Variants in PLCG2 observed in about 807,000 individuals in gnomAD.
PLCG2 encodes the protein 1-phosphatidylinositol 4,5-bisphosphate phosphodiesterase gamma-2.
A neutral mutation model predicts 175.6 loss-of-function variants in PLCG2; 69 were observed. The ratio of observed to expected loss-of-function variants is 0.39; its 90% CI spans 0.32 to 0.48. The LOEUF is 0.48. PLCG2 is among the 20% of genes least tolerant of loss of function. The pLI is 0.91. For missense variants in PLCG2, 1,798 were observed against 1,650.9 expected (o/e 1.09, Z -1.54); for synonymous variants, 827 against 624.0 (o/e 1.33, Z -4.85).
intron 1 of PLCG2, among the ~76,000 whole-genome samples, chr16:81,748,779 A>G (rs999503505): frequency 3.3e-5 from 5 of 152,228 alleles, no homozygotes; most frequent in African/African-American, 9.6e-5. Flanking sequence ...AGTGACTTTC[A>G]TATCTGTTTC....
chr16:81,917,750 C>T (rs1909901774), intron 19 of PLCG2, among the ~76,000 whole-genome samples: 1 of 152,160 alleles, frequency 6.6e-6, no homozygotes. Flanking sequence ...GAGATGGAGT[C>T]TTGCTCTGTT....
intron 15 of PLCG2, 130 bp downstream of exon 15, chr16:81,905,637 G>T: frequency 1.6e-6 from 1 of 639,288 alleles, no homozygotes; most frequent in South Asian, 1.8e-5. Flanking sequence ...TTTGCCATGT[G>T]AATTTACCTT....
intron 2 of PLCG2, among the ~76,000 whole-genome samples, chr16:81,802,886 A>G (rs566606851): frequency 1.4e-4 from 21 of 152,186 alleles, no homozygotes; most frequent in Non-Finnish European, 2.5e-4. Flanking sequence ...ATACCCTATA[A>G]TGTACCCCTT....
intron 5 of PLCG2, among the ~76,000 whole-genome samples, chr16:81,868,307 C>A (rs1328065048): frequency 1.4e-5 from 2 of 144,994 alleles, no homozygotes; most frequent in Non-Finnish European, 3.1e-5. Flanking sequence ...TTCCCACTTC[C>A]CCTCCCTGGC....
intron 2 of PLCG2, among the ~76,000 whole-genome samples, chr16:81,805,971 C>T (rs1912003681): frequency 6.6e-6 from 1 of 151,452 alleles, no homozygotes; most frequent in African/African-American, 2.4e-5. Context: ...CTAGTTGCCA[C>T]ATTCATAAAG....
intron 1 of PLCG2, among the ~76,000 whole-genome samples, chr16:81,783,937 T>C (rs997817671): frequency 6.6e-6 from 1 of 152,146 alleles, no homozygotes; most frequent in Non-Finnish European, 1.5e-5. Flanking sequence ...ATGCCTGCTT[T>C]TTTCCCCTGA....
intron 2 of PLCG2, among the ~76,000 whole-genome samples, chr16:81,826,641 C>G (rs1458092891): frequency 1.3e-5 from 2 of 152,216 alleles, no homozygotes; most frequent in East Asian, 3.8e-4. Context: ...GCAGCAGCCA[C>G]TCATTAACCA....
intron 27 of PLCG2, 45 bp from the exon 28 acceptor site, chr16:81,937,713 C>G: frequency 6.3e-7 from 1 of 1,583,484 alleles, no homozygotes; most frequent in Non-Finnish European, 8.6e-7. Flanking sequence ...AGGGGGCCAG[C>G]GTGCTCATGC....
chr16:81,944,619 T>G (rs4536469), intron 30 of PLCG2, among the ~76,000 whole-genome samples: 3 of 151,934 alleles, frequency 2.0e-5, no homozygotes, highest in Non-Finnish European at 4.4e-5. Flanking sequence ...TGTGCATCAC[T>G]GTGCCCAGCT....
intron 2 of PLCG2, among the ~76,000 whole-genome samples, chr16:81,760,329 C>T (rs1283392296): frequency 4.6e-5 from 7 of 152,080 alleles, no homozygotes; most frequent in Non-Finnish European, 8.8e-5. Context: ...GGGTGCTGCA[C>T]CCTCTGGTTC....
intron 19 of PLCG2, among the ~76,000 whole-genome samples, chr16:81,916,003 T>C (rs1285682443): frequency 6.6e-6 from 1 of 152,190 alleles, no homozygotes; most frequent in Non-Finnish European, 1.5e-5. Context: ...AATATGTACA[T>C]ATTTATACAT....
At chr16:81,795,432 G>T (rs149078300) in intron 2 of PLCG2, among the ~76,000 whole-genome samples, 2 of 152,250 alleles carry the variant, frequency 1.3e-5, no homozygotes, top group African/African-American at 4.8e-5. Context: ...TATTAGTGAA[G>T]GTAGCCTAAT....
intron 30 of PLCG2, among the ~76,000 whole-genome samples, chr16:81,942,917 TA>T (rs886997457): frequency 7.3e-6 from 1 of 137,896 alleles, no homozygotes; most frequent in Non-Finnish European, 1.6e-5. Flanking sequence ...GAAAAACAAT[TA>T]TTTTTTTTTT....
At chr16:81,818,868 A>G (rs1056621976) in intron 2 of PLCG2, among the ~76,000 whole-genome samples, 1 of 134,254 alleles carries the variant, frequency 7.4e-6, no homozygotes, top group Admixed American at 7.9e-5. Flanking sequence ...TCCATAAGCT[A>G]GTGTGGGCTC....
Position 81,895,911 on chromosome 16 carries a change from G to A in PLCG2, c.1177G>A (p.Ala393Thr), listed in dbSNP as rs760949449. ...DDVVQAIKDHAFVTSSFPVIL... is the reference protein window; with the variant it reads ...DDVVQAIKDHTFVTSSFPVIL... ...CGTCGTGCAGGCCATCAAAGACCAC[G>A]CCTTTGTTACCTCGAGGTCAGTTGG... The change falls in exon 13 of 33, where the codon GCC becomes ACC. Residue 393 changes from alanine to threonine, a missense_variant. Coordinates refer to ENST00000564138, the MANE Select transcript of PLCG2 (RefSeq NM_002661.5). 1.9e-6 allele frequency: 3 copies of A among 1,614,126 alleles called. No homozygotes were observed. The highest frequency in any genetic ancestry group is 1.7e-6 in the Non-Finnish European group (2 of 1,180,022).
chr16:81,869,188 CAG>C lies in PLCG2; in HGVS notation c.480-24_480-23del, dbSNP rs1306982355. 1.9e-6 allele frequency: 3 copies of C among 1,590,898 alleles called. No individual in the cohort carries two copies. The African/African-American group carries it at 4.0e-5, about 21-fold the overall frequency. On this transcript the variant is annotated intron_variant, in intron 5 of 32. Coordinates refer to ENST00000564138, the MANE Select transcript of PLCG2 (RefSeq NM_002661.5). Reference sequence around the variant, plus strand: ...GTGCTGTTGAAAACCCTCAAGGTGACAGAACTGGGTCTCCCTCTTTTGCAGCA... The same window carrying C: ...GTGCTGTTGAAAACCCTCAAGGTGACAACTGGGTCTCCCTCTTTTGCAGCA...
chr16:81,809,534 A>G (rs912657647), intron 2 of PLCG2, among the ~76,000 whole-genome samples: 5 of 152,142 alleles, frequency 3.3e-5, no homozygotes, highest in Non-Finnish European at 5.9e-5. Context: ...ATAGCCCCCA[A>G]ATAAACTCCT....
At chr16:81,835,345 C>A (rs557054461) in intron 2 of PLCG2, among the ~76,000 whole-genome samples, 2 of 151,868 alleles carry the variant, frequency 1.3e-5, no homozygotes, top group Non-Finnish European at 2.9e-5. Context: ...CCTGTAATCC[C>A]AGCACTTTGG....
chr16:81,864,251 G>C (rs898169879), intron 5 of PLCG2, among the ~76,000 whole-genome samples: 1 of 152,210 alleles, frequency 6.6e-6, no homozygotes, highest in Non-Finnish European at 1.5e-5. Flanking sequence ...GATGCTGCTG[G>C]TCTGGGAGCT....
Sources: allele counts gnomAD v4.1 joint callset (sites outside exome capture counted in the v4.1 genomes callset), GRCh38; gene constraint gnomAD v4.1.1; transcripts MANE v1.5; gene names NCBI Gene and HGNC (gene_info 2026-07-23, HGNC 2026-07-21).